The following KIR2DL3 variants were observed in gnomAD, a reference collection of about 807,000 sequenced individuals.
The protein encoded by KIR2DL3 is killer cell immunoglobulin like receptor, two Ig domains and long cytoplasmic tail 3.
KIR2DL3 carries 39 observed loss-of-function variants against 33.8 expected under a neutral mutation model. That is an observed-to-expected ratio of 1.15 (90% confidence interval 0.89 to 1.51). The LOEUF (loss-of-function observed/expected upper bound fraction) is 1.51, where lower values mean the gene tolerates loss of function less well. KIR2DL3 is among the 40% of genes most tolerant of loss of function. The pLI is 0.00. For synonymous variants in KIR2DL3, 174 were observed against 160.2 expected, an observed-to-expected ratio of 1.09 and a Z score of -0.65; for missense variants, 462 against 426.2, an observed-to-expected ratio of 1.08 and a Z score of -0.74.
chr19:54,742,011 C>A lies in KIR2DL3; in HGVS notation c.102C>A (p.His34Gln). Residue 34 changes from histidine (H) to glutamine (Q), a missense_variant, in exon 3 of 8, where the codon CAC (histidine) becomes CAA (glutamine). Physicochemically the swap from His to Gln is conservative, Grantham distance 24. Coordinates refer to ENST00000342376, the MANE Select transcript of KIR2DL3 (RefSeq NM_015868.3). The stretch of plus-strand genomic sequence containing the variant: ...ACAGAAAACCTTCCCTCCTGGCCCA[C>A]CCAGGTCCCCTGGTGAAATCAGAAG... ...GVHRKPSLLA[H>Q]PGPLVKSEET... 1 of 1,611,956 alleles carries A rather than the reference C, an allele frequency of 6.2e-7. No individual in the cohort carries two copies. Among genetic ancestry groups the A allele is most frequent in the Non-Finnish European group, 8.5e-7 (1 of 1,178,978 alleles).
At chr19:54,747,487 C>T (rs2072730866) in intron 5 of KIR2DL3, 102 bp downstream of exon 5, 1 of 1,428,326 alleles carries the variant, frequency 7.0e-7, no homozygotes, top group Middle Eastern at 1.7e-4. Context: ...ACATTGTACG[C>T]CTGTCTTCTA....
rs374356074 is a variant in KIR2DL3 at position 54,744,260 on chromosome 19, C to A, written c.664+172C>A. On this transcript the variant is annotated intron_variant, in intron 4 of 7. Coordinates refer to ENST00000342376, the MANE Select transcript of KIR2DL3 (RefSeq NM_015868.3). ...GACAGGGCACCTCCAAACCCTCCTA[C>A]ACGGCCTGCATGAAGGCCCGCGGCC... Among the ~76,000 whole-genome samples, 12 of 152,188 alleles carry A rather than the reference C, an allele frequency of 7.9e-5. No individual in the cohort carries two copies. In the East Asian group the frequency reaches 2.3e-3, roughly 29 times the overall value.
chr19:54,749,013 A>G (rs966145798), intron 5 of KIR2DL3, among the ~76,000 whole-genome samples: 10 of 152,036 alleles, frequency 6.6e-5, no homozygotes, highest in Non-Finnish European at 7.3e-5. Flanking sequence ...TGTGACATTA[A>G]TGAAAAACAC....
intron 3 of KIR2DL3, 52 bp downstream of exon 3, chr19:54,742,331 C>T (rs2071328382): frequency 6.2e-7 from 1 of 1,604,828 alleles, no homozygotes; most frequent in Non-Finnish European, 8.5e-7. Flanking sequence ...GTGAATGATC[C>T]ACGACTTGGA....
At chr19:54,744,947 TATATATA>T (rs1392107591) in intron 4 of KIR2DL3, among the ~76,000 whole-genome samples, 21 of 29,364 alleles carry the variant, frequency 7.2e-4, no homozygotes, top group Admixed American at 3.3e-3. Flanking sequence ...TATATATATA[TATATATA>T]TTTTTTTTTT....
Position 54,752,808 on chromosome 19 carries a change from C to T in KIR2DL3, c.*289C>T. ...TTCACTTGACCCCTGCCCACCTCTC[C>T]AACCTAACTGGCTTACTTCCTAGTC... On this transcript the variant is annotated 3_prime_UTR_variant, in exon 8 of 8. Coordinates refer to ENST00000342376, the MANE Select transcript of KIR2DL3 (RefSeq NM_015868.3). 1.9e-6 allele frequency: 1 copy of T among 513,218 alleles called. No homozygotes were observed. Among genetic ancestry groups the T allele is most frequent in the Non-Finnish European group, 3.5e-6 (1 of 285,048 alleles). The allele number at this position is 513,218 out of a possible 1,614,324, so 31.8% of individuals were successfully genotyped here.
At chr19:54,744,663 G>T (rs2071941505) in intron 4 of KIR2DL3, among the ~76,000 whole-genome samples, 1 of 149,964 alleles carries the variant, frequency 6.7e-6, no homozygotes, top group Admixed American at 6.7e-5. Context: ...AGTAGCTGGT[G>T]CTACAGGCGC....
chr19:54,745,729 A>G (rs1254544590), intron 4 of KIR2DL3, among the ~76,000 whole-genome samples: 1 of 138,020 alleles, frequency 7.2e-6, no homozygotes, highest in Non-Finnish European at 1.6e-5. Context: ...TTACACTCCT[A>G]CCAACAGGGT....
intron 2 of KIR2DL3, among the ~76,000 whole-genome samples, chr19:54,741,042 G>C (rs1252294513): frequency 3.3e-5 from 5 of 151,756 alleles, no homozygotes; most frequent in Middle Eastern, 3.4e-3. Context: ...TTTTAGCCCA[G>C]GAAAAATAGG....
chr19:54,739,271 C>G (rs558480484), intron 1 of KIR2DL3, among the ~76,000 whole-genome samples: 1 of 139,872 alleles, frequency 7.1e-6, no homozygotes, highest in African/African-American at 2.6e-5. Flanking sequence ...CGATATGGGC[C>G]TAGGGTGGAA....
At chr19:54,747,423 C>A (rs763906996) in intron 5 of KIR2DL3, 38 bp downstream of exon 5, 1 of 1,601,478 alleles carries the variant, frequency 6.2e-7, no homozygotes, top group Non-Finnish European at 8.6e-7. Flanking sequence ...TTTTGGAAAC[C>A]TGGGGAGGTA....
intron 3 of KIR2DL3, among the ~76,000 whole-genome samples, chr19:54,743,210 A>T (rs2071515128): frequency 6.6e-6 from 1 of 152,238 alleles, no homozygotes; most frequent in Non-Finnish European, 1.5e-5. Context: ...TTAAAGATAC[A>T]TAGATGATGA....
At chr19:54,741,622 C>G (rs1208337591) in intron 2 of KIR2DL3, among the ~76,000 whole-genome samples, 1 of 151,830 alleles carries the variant, frequency 6.6e-6, no homozygotes, top group Non-Finnish European at 1.5e-5. Context: ...GCAATTCATC[C>G]AAAAGAGATT....
In KIR2DL3 at chr19:54,743,200, T is replaced by A. The variant is rs770708501; in HGVS notation, c.371-595T>A. Reference sequence around the variant, plus strand: ...AAATAGGTAGATGATAGATAATAGGTTAAAGATACATAGATGATGATTGAT... The same window carrying A: ...AAATAGGTAGATGATAGATAATAGGATAAAGATACATAGATGATGATTGAT... On this transcript the variant is annotated intron_variant, in intron 3 of 7. Transcript: ENST00000342376. Among the ~76,000 whole-genome samples the A allele has an allele frequency of 1.8e-3, 275 of 152,036 alleles. 1 individual carries two copies. The highest frequency in any genetic ancestry group is 4.6e-3 in the South Asian group (22 of 4,788).
intron 5 of KIR2DL3, among the ~76,000 whole-genome samples, chr19:54,749,147 G>A (rs1206250779): frequency 3.3e-3 from 466 of 140,824 alleles, no homozygotes; most frequent in Non-Finnish European, 4.0e-3. Flanking sequence ...TGGGAATGAT[G>A]TGGGGAGAAT....
chr19:54,748,718 T>C (rs1429559208), intron 5 of KIR2DL3, among the ~76,000 whole-genome samples: 7 of 143,240 alleles, frequency 4.9e-5, no homozygotes, highest in Admixed American at 1.4e-4. Flanking sequence ...GTCTCCTGGA[T>C]TCAAGTGATT....
chr19:54,741,169 A>G (rs2071015975), intron 2 of KIR2DL3, among the ~76,000 whole-genome samples: 1 of 151,428 alleles, frequency 6.6e-6, no homozygotes, highest in Admixed American at 6.6e-5. Context: ...GGTCAAGGAC[A>G]AGTTAAGAAA....
At chr19:54,743,666 G>C in intron 3 of KIR2DL3, 129 bp from the exon 4 acceptor site, 5 of 956,002 alleles carry the variant, frequency 5.2e-6, no homozygotes, top group Non-Finnish European at 7.4e-6. Context: ...AAGAGAGATG[G>C]GGTGGAGGGT....
intron 5 of KIR2DL3, among the ~76,000 whole-genome samples, chr19:54,750,734 C>T (rs1324158227): frequency 2.9e-5 from 4 of 138,826 alleles, no homozygotes; most frequent in African/African-American, 1.1e-4. Context: ...ATTACACAGG[C>T]AGGTTCATTA....
Sources: gnomAD v4.1 joint callset for allele counts (sites outside exome capture counted in the v4.1 genomes callset) on GRCh38, gnomAD v4.1.1 for gene constraint, MANE v1.5 for transcripts, NCBI Gene and HGNC (gene_info 2026-07-23, HGNC 2026-07-21) for gene names.